ANKRD27: variants seen among roughly 807,000 people sequenced by gnomAD.
The protein encoded by ANKRD27 is ankyrin repeat domain 27.
A neutral mutation model predicts 129.7 loss-of-function variants in ANKRD27; 112 were observed. That is an observed-to-expected ratio of 0.86 (90% CI 0.74 to 1.01). ANKRD27 has a LOEUF of 1.01. ANKRD27 is among the 50% of genes least tolerant of loss of function. ANKRD27 has a pLI of 0.00. For missense variants in ANKRD27, 1,258 were observed against 1,300.5 expected (o/e 0.97, Z 0.50); for synonymous variants, 516 against 511.2 (o/e 1.01, Z -0.13).
chr19:32,626,037 CA>C, intron 16 of ANKRD27, 71 bp from the exon 17 acceptor site: 1 of 1,274,472 alleles, frequency 7.8e-7, no homozygotes, highest in Non-Finnish European at 1.1e-6. Flanking sequence ...CCAGTCTTAG[CA>C]GGGGGAGGTC....
chr19:32,627,079 C>A (rs774179135), intron 15 of ANKRD27, among the ~76,000 whole-genome samples: 1 of 152,140 alleles, frequency 6.6e-6, no homozygotes, highest in Non-Finnish European at 1.5e-5. Flanking sequence ...GGAAAAGAGA[C>A]TTAGACTTCC....
intron 1 of ANKRD27, chr19:32,673,289 G>A (rs1967907559): frequency 1.0e-6 from 1 of 985,546 alleles, no homozygotes; most frequent in Non-Finnish European, 1.2e-6. Flanking sequence ...CCTATGGCTG[G>A]TCAGAAGAAG....
intron 22 of ANKRD27, among the ~76,000 whole-genome samples, chr19:32,612,834 T>C (rs1971854173): frequency 6.6e-6 from 1 of 152,094 alleles, no homozygotes; most frequent in African/African-American, 2.4e-5. Flanking sequence ...CTATAAAATA[T>C]AAAATTATAA....
At chr19:32,622,678 G>A (rs1219793915) in intron 17 of ANKRD27, 59 bp from the exon 18 acceptor site, 8 of 1,559,392 alleles carry the variant, frequency 5.1e-6, no homozygotes, top group Admixed American at 5.0e-5. Flanking sequence ...GACAAGGTCC[G>A]TGCTCTCCTC....
intron 22 of ANKRD27, among the ~76,000 whole-genome samples, chr19:32,613,264 T>TAATGACC (rs1971859962): frequency 6.6e-6 from 1 of 151,818 alleles, no homozygotes; most frequent in Non-Finnish European, 1.5e-5. Context: ...AAACAGAAAA[T>TAATGACC]AATGACCACA....
chr19:32,604,254 T>TC lies in ANKRD27; in HGVS notation c.2655+8dup. ...GGATTCCCTCGGCTCTTCGACCCTC[T>TC]CCACCTACCTGTTCAGCACAGTCTA... On this transcript the variant is annotated intron_variant, in intron 25 of 28. Coordinates refer to ENST00000306065, the MANE Select transcript of ANKRD27 (RefSeq NM_032139.3). 1.9e-6 allele frequency: 3 copies of TC among 1,590,288 alleles called. No individual in the cohort carries two copies. The highest frequency in any genetic ancestry group is 2.6e-6 in the Non-Finnish European group (3 of 1,162,172).
At chr19:32,640,903 G>A (rs1237432044) in intron 10 of ANKRD27, among the ~76,000 whole-genome samples, 1 of 151,508 alleles carries the variant, frequency 6.6e-6, no homozygotes, top group African/African-American at 2.4e-5. Context: ...TCTTTTTTTT[G>A]TTTGTTTGTT....
chr19:32,672,052 G>A (rs949729944), intron 1 of ANKRD27, among the ~76,000 whole-genome samples: 2 of 152,194 alleles, frequency 1.3e-5, no homozygotes, highest in Admixed American at 6.5e-5. Context: ...TGGTGACAGC[G>A]TGCAGCCCAG....
At chr19:32,654,711 G>C (rs548173189) in intron 2 of ANKRD27, among the ~76,000 whole-genome samples, 2 of 152,112 alleles carry the variant, frequency 1.3e-5, no homozygotes, top group Non-Finnish European at 2.9e-5. Flanking sequence ...CCAGGCTGGA[G>C]TGCAGTGGCT....
At chr19:32,639,612 C>T in intron 11 of ANKRD27, 124 bp from the exon 12 acceptor site, 2 of 957,256 alleles carry the variant, frequency 2.1e-6, no homozygotes, top group Non-Finnish European at 3.2e-6. Flanking sequence ...GAAGCTACGA[C>T]CACCATCCCC....
In ANKRD27 at chr19:32,643,411, C is replaced by G. The variant is rs374176732; in HGVS notation, c.639+20G>C. ...GCGGGCAACAGGGTGTGCCTCCCAG[C>G]CACTCCGCCCCACCCTCACCTCCAC... is the stretch of plus-strand genomic sequence containing the variant. On this transcript the variant is annotated intron_variant, in intron 7 of 28. Transcript: ENST00000306065. 3 of 1,613,720 alleles carry G rather than the reference C, an allele frequency of 1.9e-6. No individual in the cohort carries two copies. The highest frequency in any genetic ancestry group is 2.5e-6 in the Non-Finnish European group (3 of 1,180,014).
At chr19:32,668,383 C>A (rs1431160047) in intron 1 of ANKRD27, among the ~76,000 whole-genome samples, 1 of 152,062 alleles carries the variant, frequency 6.6e-6, no homozygotes, top group Non-Finnish European at 1.5e-5. Context: ...AGGCTGGTCT[C>A]AAACTCCTGA....
chr19:32,622,770 T>C (rs1972033472), intron 17 of ANKRD27, 151 bp from the exon 18 acceptor site: 1 of 664,974 alleles, frequency 1.5e-6, no homozygotes, highest in Admixed American at 2.9e-5. Flanking sequence ...TCATTCTCAT[T>C]CATTTTTTTT....
At chr19:32,674,021 G>C (rs259289) in intron 1 of ANKRD27, among the ~76,000 whole-genome samples, 81,662 of 150,724 alleles carry the variant, frequency 0.54, 23,429 homozygotes, top group Non-Finnish European at 0.65. Context: ...GCCGTGCATA[G>C]TGGCATGCGC....
At chr19:32,632,660 A>G (rs1217952216) in intron 12 of ANKRD27, among the ~76,000 whole-genome samples, 1 of 151,912 alleles carries the variant, frequency 6.6e-6, no homozygotes, top group East Asian at 1.9e-4. Flanking sequence ...CTCGCAAGAC[A>G]GTTCAATGCT....
In ANKRD27 at chr19:32,607,781, C is replaced by A. The variant is rs1364257076; in HGVS notation, c.2227G>T (p.Asp743Tyr). Residue 743 changes from aspartate (D) to tyrosine (Y), a missense_variant, in exon 23 of 29, where the codon GAC (aspartate) becomes TAC (tyrosine). Coordinates refer to ENST00000306065, the MANE Select transcript of ANKRD27 (RefSeq NM_032139.3). Reference sequence around the variant, plus strand: ...GCGACATGCAGCGGGGAGGAGCCGTCCTGGCTGGTCACGTTCACACCAAGC... The same window carrying A: ...GCGACATGCAGCGGGGAGGAGCCGTACTGGCTGGTCACGTTCACACCAAGC... ...SGLGVNVTSQ[D>Y]GSSPLHVAAL... 6.2e-7 allele frequency: 1 copy of A among 1,611,810 alleles called. No homozygotes were observed. Among genetic ancestry groups the A allele is most frequent in the Admixed American group, 1.7e-5 (1 of 59,734 alleles).
rs199860219 is a variant in ANKRD27, at chr19:32,639,411, G to A, written c.1061C>T (p.Ser354Leu). ...AKDELGYCLTSFEAAIEYIRQ... is the reference protein window; with the variant it reads ...AKDELGYCLTLFEAAIEYIRQ... Reference sequence around the variant, plus strand: ...AATATATTCAATGGCAGCTTCGAATGAGGTCAGGCAGTATCCCAGTTCATC... The same window carrying A: ...AATATATTCAATGGCAGCTTCGAATAAGGTCAGGCAGTATCCCAGTTCATC... The change falls in exon 12 of 29, where the codon TCA (serine) becomes TTA (leucine). Residue 354 changes from serine to leucine, a missense_variant. Physicochemically the swap from Ser to Leu is moderately radical, Grantham distance 145. Coordinates refer to ENST00000306065, the MANE Select transcript of ANKRD27 (RefSeq NM_032139.3). 1 of 1,614,250 alleles carries A rather than the reference G, an allele frequency of 6.2e-7. No homozygotes were observed. The highest frequency in any genetic ancestry group is 8.5e-7 in the Non-Finnish European group (1 of 1,180,044).
intron 1 of ANKRD27, among the ~76,000 whole-genome samples, chr19:32,669,719 C>T (rs924048483): frequency 6.6e-6 from 1 of 152,010 alleles, no homozygotes; most frequent in African/African-American, 2.4e-5. Context: ...CAGCAGTGGT[C>T]GGGCGTGGTG....
intron 22 of ANKRD27, among the ~76,000 whole-genome samples, chr19:32,613,346 C>A (rs1037206666): frequency 6.6e-6 from 1 of 152,132 alleles, no homozygotes; most frequent in Non-Finnish European, 1.5e-5. Context: ...AATGATACAG[C>A]CTGCTTGGGA....
Sources: allele counts gnomAD v4.1 joint callset (sites outside exome capture counted in the v4.1 genomes callset), GRCh38; gene constraint gnomAD v4.1.1; transcripts MANE v1.5; gene names NCBI Gene and HGNC (gene_info 2026-07-23, HGNC 2026-07-21).